Variants in LCA5 observed in about 807,000 individuals in gnomAD.
The protein encoded by LCA5 is lebercilin LCA5.
LCA5 carries 37 observed loss-of-function variants against 53.0 expected under a neutral mutation model. That is an observed-to-expected ratio of 0.70 (90% CI 0.54 to 0.92). The LOEUF (loss-of-function observed/expected upper bound fraction) is 0.92. Among genes scored for constraint, LCA5 ranks in the 40% least tolerant of loss-of-function variants. The pLI, the probability that LCA5 is intolerant of heterozygous loss-of-function variation, is 0.00. For synonymous variants in LCA5, 303 were observed against 282.9 expected, an observed-to-expected ratio of 1.07 and a Z score of -0.71; for missense variants, 806 against 790.5, an observed-to-expected ratio of 1.02 and a Z score of -0.23.
At chr6:79,502,921 C>T (rs753495965) in intron 3 of LCA5, among the ~76,000 whole-genome samples, 5 of 152,034 alleles carry the variant, frequency 3.3e-5, no homozygotes, top group African/African-American at 4.8e-5. Flanking sequence ...CACTCTGTCG[C>T]GTAGGCTGGA....
At chr6:79,516,555 G>C (rs562328115) in intron 2 of LCA5, among the ~76,000 whole-genome samples, 1 of 151,856 alleles carries the variant, frequency 6.6e-6, no homozygotes, top group Admixed American at 6.6e-5. Flanking sequence ...AAAACTCTGA[G>C]TATAAATTTT....
At chr6:79,531,579 G>A (rs75906589) in intron 1 of LCA5, among the ~76,000 whole-genome samples, 3,865 of 152,150 alleles carry the variant, frequency 0.025, 60 homozygotes, top group Middle Eastern at 0.071. Flanking sequence ...AACAGCTTTT[G>A]TCAAGCTCAC....
intron 2 of LCA5, among the ~76,000 whole-genome samples, chr6:79,514,227 TC>T (rs1766358567): frequency 6.6e-6 from 1 of 152,182 alleles, no homozygotes; most frequent in South Asian, 2.1e-4. Context: ...TGAGCTTTTT[TC>T]ATATGCTTGT....
In LCA5 at chr6:79,493,635, T is replaced by A. The variant is rs559705570; in HGVS notation, c.836A>T (p.Gln279Leu). The A allele has an allele frequency of 1.2e-6, 2 of 1,613,560 alleles. No individual in the cohort carries two copies. Among genetic ancestry groups the A allele is most frequent in the South Asian group, 2.2e-5 (2 of 91,080 alleles). Reference sequence around the variant, plus strand: ...TACCTTTAATTTGTGATATAGTCGCTGTACCTCCTTTTGAAGAACTTTATT... The same window carrying A: ...TACCTTTAATTTGTGATATAGTCGCAGTACCTCCTTTTGAAGAACTTTATT... ...DENKVLQKEVQRLYHKLKEKE... is the reference protein window; with the variant it reads ...DENKVLQKEVLRLYHKLKEKE... The change falls in exon 4 of 8, where the codon CAG (glutamine) becomes CTG (leucine). Residue 279 changes from glutamine (Q) to leucine (L), a missense_variant. Physicochemically the swap from Gln to Leu is moderately radical, Grantham distance 113 (BLOSUM62 -2). Coordinates refer to ENST00000369846, the MANE Select transcript of LCA5 (RefSeq NM_001122769.3).
intron 1 of LCA5, among the ~76,000 whole-genome samples, chr6:79,536,634 T>TATC (rs891905771): frequency 2.0e-4 from 30 of 152,172 alleles, no homozygotes; most frequent in African/African-American, 6.8e-4. Flanking sequence ...TGTATAGAAG[T>TATC]ATCACAGCCT....
intron 1 of LCA5, among the ~76,000 whole-genome samples, chr6:79,527,700 C>A (rs970621782): frequency 1.3e-5 from 2 of 152,210 alleles, no homozygotes; most frequent in Admixed American, 1.3e-4. Context: ...TGCCAAATAA[C>A]TGCCAGAATT....
At position 79,486,788 on chromosome 6, in the gene LCA5, A is replaced by G; in HGVS notation, c.*216T>C. 1 of 463,374 alleles carries G rather than the reference A, an allele frequency of 2.2e-6. No individual in the cohort carries two copies. Among genetic ancestry groups the G allele is most frequent in the Non-Finnish European group, 3.8e-6 (1 of 266,498 alleles). 28.7% of individuals were successfully genotyped at this position (463,374 alleles called of 1,614,324 possible). On this transcript the variant is annotated 3_prime_UTR_variant, in exon 8 of 8. Coordinates refer to ENST00000369846, the MANE Select transcript of LCA5 (RefSeq NM_001122769.3). ...ATTTCATTTTTCAAGACATATTTTT[A>G]TTTTTGGTTTCATTCAAAAAAGCCT...
chr6:79,513,620 A>G lies in LCA5; in HGVS notation c.312T>C (p.Ile104=), dbSNP rs757172996. ...TGATTTTTAGCAGTCTTGCAGACAGAATCCGTTTTGTAACAAGATCAGTAT... is the reference window on the plus strand; with the variant it reads ...TGATTTTTAGCAGTCTTGCAGACAGGATCCGTTTTGTAACAAGATCAGTAT... The part of the protein sequence containing the change: ...RKDTDLVTKR[I]LSARLLKINE... Residue 104 remains isoleucine (I), a synonymous_variant, in exon 3 of 8, where the codon ATT becomes ATC. Transcript: ENST00000369846. 1.2e-6 allele frequency: 2 copies of G among 1,613,896 alleles called. No homozygotes were observed. Among genetic ancestry groups the G allele is most frequent in the East Asian group, 2.2e-5 (1 of 44,854 alleles).
chr6:79,488,127 T>G lies in LCA5; in HGVS notation c.1232-261A>C, dbSNP rs543876412. The G allele has an allele frequency of 1.7e-5, 7 of 420,724 alleles. No homozygotes were observed. In the East Asian group the frequency reaches 3.3e-4, roughly 20 times the overall value. The allele number at this position is 420,724 out of a possible 1,614,324, so 26.1% of individuals were successfully genotyped here. A position where few individuals can be genotyped will look rare whatever the true frequency, so the allele number is the denominator to read the frequency against. Reference sequence around the variant, plus strand: ...GTGGGGAAGAAAGGTTCTTTGCCTATTTTTTATAACTAATATAATGCTGTA... The same window carrying G: ...GTGGGGAAGAAAGGTTCTTTGCCTAGTTTTTATAACTAATATAATGCTGTA... On this transcript the variant is annotated intron_variant, in intron 7 of 7. Transcript: ENST00000369846.
chr6:79,494,790 T>C (rs948681425), intron 3 of LCA5, among the ~76,000 whole-genome samples: 2 of 152,212 alleles, frequency 1.3e-5, no homozygotes, highest in African/African-American at 4.8e-5. Context: ...GCTCCAATTT[T>C]TCCTAGAGTA....
Position 79,486,971 on chromosome 6 carries a change from T to G in LCA5, c.*33A>C. 2 of 1,539,018 alleles carry G rather than the reference T, an allele frequency of 1.3e-6. No individual in the cohort carries two copies. Among genetic ancestry groups the G allele is most frequent in the Non-Finnish European group, 1.8e-6 (2 of 1,126,674 alleles). ...AATACTGTATTAAAATATTTCAATA[T>G]TTACAATTAGAAAAAATGTATACTC... On this transcript the variant is annotated 3_prime_UTR_variant, in exon 8 of 8. Transcript: ENST00000369846.
Position 79,516,346 on chromosome 6 carries a change from TTA to T in LCA5, c.190+2357_190+2358del, listed in dbSNP as rs1482267479. Among the ~76,000 whole-genome samples the T allele has an allele frequency of 5.9e-5, 9 of 151,948 alleles. No individual in the cohort carries two copies. The East Asian group carries it at 1.7e-3, about 29-fold the overall frequency. On this transcript the variant is annotated intron_variant, in intron 2 of 7. Coordinates refer to ENST00000369846, the MANE Select transcript of LCA5 (RefSeq NM_001122769.3). Reference sequence around the variant, plus strand: ...CTCAGCTCTTGGAATGACAGAAACTTTATACATAAAAATAATTATGTATAAAG... The same window carrying T: ...CTCAGCTCTTGGAATGACAGAAACTTTACATAAAAATAATTATGTATAAAG...
Position 79,491,657 on chromosome 6 carries a change from T to C in LCA5, c.1029A>G (p.Glu343=). The part of the protein sequence containing the change: ...VQTMEDFKPE[E]YPLTPETIMC... ...TAATTGTTTCTGGAGTTAAAGGATA[T>C]TCTTCTGGCTTGAAGTCTTCCATGG... Residue 343 remains glutamate, a synonymous_variant, in exon 6 of 8, where the codon GAA becomes GAG. Coordinates refer to ENST00000369846, the MANE Select transcript of LCA5 (RefSeq NM_001122769.3). The C allele has an allele frequency of 6.2e-7, 1 of 1,613,266 alleles. No homozygotes were observed. The highest frequency in any genetic ancestry group is 8.5e-7 in the Non-Finnish European group (1 of 1,179,322).
intron 1 of LCA5, among the ~76,000 whole-genome samples, chr6:79,525,760 TAACTTTGTAACTAAC>T (rs1368697232): frequency 1.4e-5 from 2 of 144,422 alleles, no homozygotes; most frequent in African/African-American, 5.2e-5. Context: ...TCGTGAAAGT[TAACTTTGTAACTAAC>T]AACTGACCTT....
intron 3 of LCA5, among the ~76,000 whole-genome samples, chr6:79,498,377 A>C (rs1770040574): frequency 6.6e-6 from 1 of 152,118 alleles, no homozygotes; most frequent in East Asian, 1.9e-4. Context: ...TAATTTAAAA[A>C]ATCCTATCCC....
At chr6:79,495,832 T>C (rs530649847) in intron 3 of LCA5, among the ~76,000 whole-genome samples, 76 of 151,962 alleles carry the variant, frequency 5.0e-4, no homozygotes, top group African/African-American at 1.8e-3. Flanking sequence ...CATTTGGTTG[T>C]GGAATGTGGA....
chr6:79,488,904 C>T (rs1769753603), intron 7 of LCA5, 180 bp downstream of exon 7: 5 of 679,194 alleles, frequency 7.4e-6, no homozygotes, highest in South Asian at 5.6e-5. Flanking sequence ...TTTTTCTTTC[C>T]TTAATAACAT....
chr6:79,496,423 T>A (rs542712441), intron 3 of LCA5, among the ~76,000 whole-genome samples: 74 of 152,192 alleles, frequency 4.9e-4, no homozygotes, highest in Non-Finnish European at 8.7e-4. Flanking sequence ...ACAATCCAAA[T>A]GTCCATCAAT....
At chr6:79,515,023 TA>T (rs1240565779) in intron 2 of LCA5, among the ~76,000 whole-genome samples, 11 of 146,012 alleles carry the variant, frequency 7.5e-5, no homozygotes, top group South Asian at 2.2e-4. Flanking sequence ...AACTTAAAAC[TA>T]AAAAAAAAAG....
Sources: gnomAD v4.1 joint callset for allele counts (sites outside exome capture counted in the v4.1 genomes callset) on GRCh38, gnomAD v4.1.1 for gene constraint, MANE v1.5 for transcripts, NCBI Gene and HGNC (gene_info 2026-07-23, HGNC 2026-07-21) for gene names.